The following TCERG1 variants were observed in gnomAD, a reference collection of about 807,000 sequenced individuals.
TCERG1 encodes transcription elongation regulator 1.
In TCERG1, 37 loss-of-function variants were observed where a neutral mutation model predicts 144.7. The ratio of observed to expected loss-of-function variants is 0.26; its 90% CI spans 0.20 to 0.34. TCERG1 has a LOEUF of 0.34. Among genes scored for constraint, TCERG1 ranks in the 10% least tolerant of loss-of-function variants. The probability of loss-of-function intolerance (pLI) is 1.00; values close to 1 mark genes in which losing one functional copy is unlikely to be tolerated. For synonymous variants in TCERG1, 492 were observed against 458.2 expected, an observed-to-expected ratio of 1.07 and a Z score of -0.94; for missense variants, 1,027 against 1,380.7, an observed-to-expected ratio of 0.74 and a Z score of 4.06.
intron 16 of TCERG1, among the ~76,000 whole-genome samples, chr5:146,496,879 T>G (rs1428890493): frequency 1.4e-5 from 2 of 146,104 alleles, no homozygotes; most frequent in Admixed American, 6.8e-5. Flanking sequence ...GTTTTTTTTT[T>G]TTTTTTTTTT....
chr5:146,491,427 A>G (rs773474238), intron 15 of TCERG1, among the ~76,000 whole-genome samples: 17 of 152,142 alleles, frequency 1.1e-4, no homozygotes, highest in Admixed American at 6.6e-5. Context: ...TCTAGTGGGT[A>G]GAGGCCAGGG....
At position 146,480,027 on chromosome 5, in the gene TCERG1, G is replaced by C; in HGVS notation, c.1820-1G>C. The C allele has an allele frequency of 6.3e-7, 1 of 1,598,582 alleles. No individual in the cohort carries two copies. On this transcript the variant is annotated splice_acceptor_variant, in intron 11 of 22. Transcript: ENST00000679501. LOFTEE classifies it high-confidence loss of function. ...TATTTTAATTAAATTTTGTCTTATAGTTAAAGAGGAACAAGAATTAATGGA... is the reference window on the plus strand; with the variant it reads ...TATTTTAATTAAATTTTGTCTTATACTTAAAGAGGAACAAGAATTAATGGA...
At chr5:146,508,518 T>A (rs1253584826) in intron 21 of TCERG1, among the ~76,000 whole-genome samples, 2 of 152,174 alleles carry the variant, frequency 1.3e-5, no homozygotes, top group Admixed American at 6.5e-5. Context: ...CCTCAAAGTC[T>A]ATTGGATTGT....
At chr5:146,463,152 A>G (rs937312086) in intron 4 of TCERG1, among the ~76,000 whole-genome samples, 2 of 152,176 alleles carry the variant, frequency 1.3e-5, no homozygotes, top group East Asian at 1.9e-4. Context: ...TCAATTTTCT[A>G]AACAATTCCT....
At chr5:146,494,413 AAAG>A (rs1766699145) in intron 16 of TCERG1, among the ~76,000 whole-genome samples, 1 of 152,194 alleles carries the variant, frequency 6.6e-6, no homozygotes, top group Admixed American at 6.5e-5. Flanking sequence ...TTGAAACTCC[AAAG>A]AGATTTCCCT....
chr5:146,457,789 G>A (rs565476734), intron 3 of TCERG1, among the ~76,000 whole-genome samples: 1 of 152,224 alleles, frequency 6.6e-6, no homozygotes, highest in Admixed American at 6.5e-5. Flanking sequence ...CATAACATGG[G>A]TTTTCCTTTG....
chr5:146,485,626 TC>T (rs1765752869), intron 15 of TCERG1, among the ~76,000 whole-genome samples: 1 of 152,224 alleles, frequency 6.6e-6, no homozygotes, highest in African/African-American at 2.4e-5. Flanking sequence ...AAAATATTAT[TC>T]TAGTGTTCTG....
At position 146,463,907 on chromosome 5, in the gene TCERG1, G is replaced by A. The variant is rs1024871179; in HGVS notation, c.1135+114G>A. The A allele has an allele frequency of 1.8e-5, 25 of 1,412,458 alleles. No individual in the cohort carries two copies. In the East Asian group the frequency reaches 3.2e-4, roughly 18 times the overall value. The allele number at this position is 1,412,458 out of a possible 1,614,324, so 87.5% of individuals were successfully genotyped here. A position where few individuals can be genotyped will look rare whatever the true frequency, so the allele number is the denominator to read the frequency against. Reference sequence around the variant, plus strand: ...GCCTTGAATCTCACCTGTTTGAAACGTTTTTGAAAGATTCATGGCTAACTG... The same window carrying A: ...GCCTTGAATCTCACCTGTTTGAAACATTTTTGAAAGATTCATGGCTAACTG... On this transcript the variant is annotated intron_variant, in intron 5 of 22. Coordinates refer to ENST00000679501, the MANE Select transcript of TCERG1 (RefSeq NM_001382548.1).
At chr5:146,480,924 G>C (rs373862866) in intron 12 of TCERG1, among the ~76,000 whole-genome samples, 1 of 150,478 alleles carries the variant, frequency 6.6e-6, no homozygotes, top group East Asian at 1.9e-4. Flanking sequence ...TTTAGTTCTT[G>C]ACCAAATGTA....
chr5:146,498,766 C>G, intron 17 of TCERG1, 80 bp downstream of exon 17: 1 of 1,425,964 alleles, frequency 7.0e-7, no homozygotes, highest in Non-Finnish European at 9.3e-7. Context: ...TGTTTCTAAC[C>G]TTATTCATTG....
At chr5:146,461,719 T>A (rs1763345547) in intron 4 of TCERG1, among the ~76,000 whole-genome samples, 1 of 152,166 alleles carries the variant, frequency 6.6e-6, no homozygotes, top group Admixed American at 6.5e-5. Context: ...AATACTATAA[T>A]AATATTTAAA....
intron 15 of TCERG1, 192 bp from the exon 16 acceptor site, chr5:146,492,728 G>T: frequency 2.5e-6 from 1 of 395,694 alleles, no homozygotes. Context: ...AGCCTAAGTA[G>T]AGAGCTGTGT....
At chr5:146,488,147 A>G (rs1766022678) in intron 15 of TCERG1, among the ~76,000 whole-genome samples, 1 of 152,134 alleles carries the variant, frequency 6.6e-6, no homozygotes, top group African/African-American at 2.4e-5. Flanking sequence ...TGATAAAACT[A>G]CTAGAAAAAA....
intron 12 of TCERG1, among the ~76,000 whole-genome samples, 182 bp from the exon 13 acceptor site, chr5:146,480,967 CT>C (rs139278386): frequency 0.081 from 11,432 of 141,328 alleles, 481 homozygotes; most frequent in Middle Eastern, 0.13. Context: ...TGATTTTGTG[CT>C]TTTTTTTTAA....
intron 18 of TCERG1, 36 bp downstream of exon 18, chr5:146,503,575 A>G: frequency 6.2e-7 from 1 of 1,603,836 alleles, no homozygotes; most frequent in Middle Eastern, 1.8e-4. Flanking sequence ...CTTTCATTGA[A>G]TAATACAATT....
intron 3 of TCERG1, among the ~76,000 whole-genome samples, chr5:146,458,220 G>T (rs1220643641): frequency 2.0e-5 from 3 of 151,258 alleles, no homozygotes; most frequent in South Asian, 2.1e-4. Context: ...CTGTCACCCA[G>T]CCTGGAGTGC....
Position 146,465,973 on chromosome 5 carries a change from T to C in TCERG1, c.1135+2180T>C, listed in dbSNP as rs568325484. 8.9e-5 allele frequency among the ~76,000 whole-genome samples: 13 copies of C among 146,760 alleles called. No individual in the cohort carries two copies. The East Asian group carries it at 2.5e-3, about 28-fold the overall frequency. On this transcript the variant is annotated intron_variant, in intron 5 of 22. Coordinates refer to ENST00000679501, the MANE Select transcript of TCERG1 (RefSeq NM_001382548.1). Reference sequence around the variant, plus strand: ...AGGTGGAGGTTGCAGTGAGCCGAGATCGCGCCATTGCACTGCAGCCTGGGC... The same window carrying C: ...AGGTGGAGGTTGCAGTGAGCCGAGACCGCGCCATTGCACTGCAGCCTGGGC...
At chr5:146,510,295 G>C in intron 22 of TCERG1, 146 bp from the exon 23 acceptor site, 1 of 714,042 alleles carries the variant, frequency 1.4e-6, no homozygotes, top group Non-Finnish European at 2.2e-6. Context: ...TTACAAAGGT[G>C]ACCACTGCCG....
Position 146,463,765 on chromosome 5 carries a change from C to T in TCERG1, c.1107C>T (p.Pro369=). The T allele has an allele frequency of 6.2e-7, 1 of 1,614,192 alleles. No homozygotes were observed. Among genetic ancestry groups the T allele is most frequent in the Non-Finnish European group, 8.5e-7 (1 of 1,180,032 alleles). The change falls in exon 5 of 23, where the codon CCC becomes CCT. Residue 369 remains proline (P), a synonymous_variant. Transcript: ENST00000679501. ...PPVMVPPFRV[P]LPGMPIPLPG... ...TAATGGTACCTCCGTTTCGTGTTCC[C>T]CTTCCTGGCATGCCAATTCCACTTC...
Sources: gnomAD v4.1 joint callset for allele counts (sites outside exome capture counted in the v4.1 genomes callset) on GRCh38, gnomAD v4.1.1 for gene constraint, MANE v1.5 for transcripts, NCBI Gene and HGNC (gene_info 2026-07-23, HGNC 2026-07-21) for gene names.